The following MYO16 variants were observed in gnomAD, a reference collection of about 807,000 sequenced individuals.
MYO16 encodes the protein myosin XVI.
A neutral mutation model predicts 205.3 loss-of-function variants in MYO16; 94 were observed. That is an observed-to-expected ratio of 0.46 (90% CI 0.39 to 0.54). The LOEUF (loss-of-function observed/expected upper bound fraction) is 0.54. MYO16 is among the 20% of genes least tolerant of loss of function. The probability of loss-of-function intolerance (pLI) is 0.00; values close to 1 mark genes in which losing one functional copy is unlikely to be tolerated. For synonymous variants in MYO16, 988 were observed against 954.0 expected, an observed-to-expected ratio of 1.04 and a Z score of -0.66; for missense variants, 2,315 against 2,387.5, an observed-to-expected ratio of 0.97 and a Z score of 0.63.
Position 109,141,426 on chromosome 13 carries a change from G to C in MYO16, c.5164+50G>C. 2 of 1,229,996 alleles carry C rather than the reference G, an allele frequency of 1.6e-6. No individual in the cohort carries two copies. Among genetic ancestry groups the C allele is most frequent in the Non-Finnish European group, 2.2e-6 (2 of 918,844 alleles). The allele number at this position is 1,229,996 out of a possible 1,614,324, so 76.2% of individuals were successfully genotyped here. ...CTCCTTTTGCATGGACGCTGTGCTT[G>C]CGTGCACCTGTGTACATCCGTGTCT... On this transcript the variant is annotated intron_variant, in intron 32 of 34. Coordinates refer to ENST00000457511, the MANE Select transcript of MYO16 (RefSeq NM_001198950.3). This position sits in a 1 kb window ranked among gnomAD's most constrained non-coding sequence, Gnocchi z 4.1.
At chr13:108,687,045 G>A (rs182181507) in intron 2 of MYO16, among the ~76,000 whole-genome samples, 99 of 152,292 alleles carry the variant, frequency 6.5e-4, no homozygotes, top group African/African-American at 2.4e-3. Flanking sequence ...TGGTTTGGCT[G>A]CCTATTCTAA....
chr13:109,016,817 G>A (rs1339728883), intron 22 of MYO16, among the ~76,000 whole-genome samples: 1 of 151,828 alleles, frequency 6.6e-6, no homozygotes, highest in Non-Finnish European at 1.5e-5. Flanking sequence ...CATTTGCTTG[G>A]TAGATCTTCC....
chr13:108,542,457 C>T, the MYO16 span, among the ~76,000 whole-genome samples: 227 of 152,154 alleles, frequency 1.5e-3, 2 homozygotes, highest in African/African-American at 5.4e-3. Context: ...CATCTGTACC[C>T]CTGAACCTAA....
At chr13:109,091,821 A>G (rs1011841984) in intron 27 of MYO16, among the ~76,000 whole-genome samples, 6 of 152,192 alleles carry the variant, frequency 3.9e-5, no homozygotes, top group African/African-American at 1.4e-4. Context: ...CACGAGGTTA[A>G]TGGTTCTCCC....
intron 23 of MYO16, among the ~76,000 whole-genome samples, chr13:109,044,391 T>C (rs1268098839): frequency 6.6e-6 from 1 of 152,126 alleles, no homozygotes; most frequent in Non-Finnish European, 1.5e-5. Flanking sequence ...TCCAAATATT[T>C]GCACCAGAAA....
chr13:109,195,212 T>C (rs1880101309), intron 34 of MYO16, among the ~76,000 whole-genome samples: 1 of 152,158 alleles, frequency 6.6e-6, no homozygotes, highest in Admixed American at 6.5e-5. Flanking sequence ...TGTCCAGATA[T>C]AGCTCCTCTT....
At chr13:109,020,642 T>C (rs537480467) in intron 23 of MYO16, among the ~76,000 whole-genome samples, 2 of 152,346 alleles carry the variant, frequency 1.3e-5, no homozygotes, top group African/African-American at 4.8e-5. Context: ...CAACTTTCAG[T>C]ATTAAATCCA....
chr13:108,871,350 G>GTGTTTA (rs1555307577), intron 12 of MYO16, among the ~76,000 whole-genome samples: 19 of 147,212 alleles, frequency 1.3e-4, no homozygotes, highest in Non-Finnish European at 2.1e-4. Flanking sequence ...GTGTGTGTGT[G>GTGTTTA]TGTGTGTGTG....
intron 4 of MYO16, among the ~76,000 whole-genome samples, chr13:108,742,843 G>A (rs1419070845): frequency 1.3e-5 from 2 of 152,214 alleles, no homozygotes; most frequent in African/African-American, 2.4e-5. Context: ...TGCTTGCTGA[G>A]AGAGGAACAA....
At chr13:108,984,781 A>G (rs12583066) in intron 20 of MYO16, among the ~76,000 whole-genome samples, 4,209 of 152,186 alleles carry the variant, frequency 0.028, 92 homozygotes, top group African/African-American at 0.057. Flanking sequence ...ATAAACTTCA[A>G]ATACACCTCA....
rs182950550 is a variant in MYO16 at position 108,721,585 on chromosome 13, C to T, written c.364-5855C>T. Among the ~76,000 whole-genome samples the T allele has an allele frequency of 1.6e-4, 24 of 152,182 alleles. No homozygotes were observed. The East Asian group carries it at 4.4e-3, about 28-fold the overall frequency. On this transcript the variant is annotated intron_variant, in intron 3 of 34. Transcript: ENST00000457511. The stretch of plus-strand genomic sequence containing the variant: ...TGGAGAGAAGGATGTCATCATGGTC[C>T]CCAAGTCTTCCATGACAGAGAAGAG...
intron 29 of MYO16, among the ~76,000 whole-genome samples, chr13:109,121,011 T>G (rs1875962562): frequency 6.6e-6 from 1 of 152,062 alleles, no homozygotes; most frequent in African/African-American, 2.4e-5. Flanking sequence ...TTTCTACCAC[T>G]GCACAGCAAC....
chr13:108,912,951 G>T (rs1324574141), intron 16 of MYO16, among the ~76,000 whole-genome samples: 3 of 152,186 alleles, frequency 2.0e-5, no homozygotes, highest in Non-Finnish European at 4.4e-5. Context: ...TTGATCTGTG[G>T]TTTGGATGAG....
At chr13:109,174,879 G>A (rs1461133675) in intron 33 of MYO16, among the ~76,000 whole-genome samples, 1 of 150,580 alleles carries the variant, frequency 6.6e-6, no homozygotes, top group African/African-American at 2.4e-5. Flanking sequence ...AGCCTCCCGA[G>A]TAGCTGGGAC....
intron 17 of MYO16, among the ~76,000 whole-genome samples, chr13:108,960,419 A>G (rs977683856): frequency 2.6e-5 from 4 of 152,210 alleles, no homozygotes; most frequent in African/African-American, 9.6e-5. Context: ...ACATTTTTAT[A>G]TGTATATCAC....
At position 108,823,282 on chromosome 13, in the gene MYO16, A is replaced by G; in HGVS notation, c.1097+4A>G. On this transcript the variant is annotated splice_donor_region_variant and intron_variant, in intron 9 of 34. Transcript: ENST00000457511. ...TTCCCGTACTGTCGAGTAAGCTGTA[A>G]GTGTCTTCCTGCTTATTCTCTTTTG... 1 of 1,600,366 alleles carries G rather than the reference A, an allele frequency of 6.2e-7. No individual in the cohort carries two copies. Among genetic ancestry groups the G allele is most frequent in the Non-Finnish European group, 8.5e-7 (1 of 1,173,142 alleles).
the MYO16 span, among the ~76,000 whole-genome samples, chr13:108,517,571 C>T: frequency 6.6e-6 from 1 of 152,190 alleles, no homozygotes; most frequent in Admixed American, 6.5e-5. Flanking sequence ...AGCCTCACCA[C>T]AATTAATGTA....
chr13:108,607,576 T>C (rs1036693170), intron 1 of MYO16, among the ~76,000 whole-genome samples: 5 of 152,186 alleles, frequency 3.3e-5, no homozygotes, highest in Non-Finnish European at 7.3e-5. Context: ...CATGCACAAC[T>C]CTGTGTCAAT....
chr13:108,590,425 C>T, the MYO16 span, among the ~76,000 whole-genome samples: 4 of 152,152 alleles, frequency 2.6e-5, no homozygotes, highest in East Asian at 5.8e-4. Context: ...GTATGAAGAA[C>T]TACTGTCTCA....
Sources: allele counts gnomAD v4.1 joint callset (sites outside exome capture counted in the v4.1 genomes callset), GRCh38; gene constraint gnomAD v4.1.1; non-coding constraint Gnocchi (gnomAD v3.1); transcripts MANE v1.5; gene names NCBI Gene and HGNC (gene_info 2026-07-23, HGNC 2026-07-21).